Variants in ARHGEF4 observed in about 807,000 individuals in gnomAD.
ARHGEF4 encodes Rho guanine nucleotide exchange factor 4.
In ARHGEF4, 119 loss-of-function variants were observed where a neutral mutation model predicts 162.0. The ratio of observed to expected loss-of-function variants is 0.73; its 90% confidence interval spans 0.63 to 0.86. The LOEUF (loss-of-function observed/expected upper bound fraction) is 0.86, where lower values mean the gene tolerates loss of function less well. ARHGEF4 is among the 40% of genes least tolerant of loss of function. ARHGEF4 has a pLI of 0.00. For synonymous variants in ARHGEF4, 1,014 were observed against 979.9 expected (o/e 1.03, Z -0.65); for missense variants, 2,488 against 2,456.0 (o/e 1.01, Z -0.28).
At chr2:130,899,989 A>C (rs532223369) in intron 1 of ARHGEF4, among the ~76,000 whole-genome samples, 30 of 152,286 alleles carry the variant, frequency 2.0e-4, no homozygotes, top group African/African-American at 6.7e-4. Flanking sequence ...TCTTTGAACT[A>C]TGGAAAATAT....
At chr2:130,867,266 G>A (rs1178273606) in intron 1 of ARHGEF4, among the ~76,000 whole-genome samples, 1 of 151,122 alleles carries the variant, frequency 6.6e-6, no homozygotes, top group Non-Finnish European at 1.5e-5. Flanking sequence ...ATGAGACGGA[G>A]TCTCACTCTA....
intron 4 of ARHGEF4, among the ~76,000 whole-genome samples, chr2:130,971,333 C>T (rs771584183): frequency 6.6e-6 from 1 of 152,134 alleles, no homozygotes; most frequent in South Asian, 2.1e-4. Context: ...AATTCTTCTT[C>T]TTTTTTGCCT....
chr2:130,844,824 G>GTA lies in ARHGEF4; in HGVS notation c.39+7844_39+7845dup, dbSNP rs1049657755. On this transcript the variant is annotated intron_variant, in intron 1 of 13. Transcript: ENST00000409359. ...CTTCCCCAAACAAATATATATATAT[G>GTA]TATATATATATATTTGAGACAGAAT... Among the ~76,000 whole-genome samples, 643 of 150,786 alleles carry GTA rather than the reference G, an allele frequency of 4.3e-3. 3 individuals are homozygous for GTA. Among genetic ancestry groups the GTA allele is most frequent in the African/African-American group, 0.014 (581 of 41,052 alleles).
At chr2:130,855,769 C>G (rs1681733307) in intron 1 of ARHGEF4, among the ~76,000 whole-genome samples, 1 of 152,162 alleles carries the variant, frequency 6.6e-6, no homozygotes, top group Non-Finnish European at 1.5e-5. Flanking sequence ...TTTGAATAAT[C>G]TAAGCCGGCT....
chr2:131,022,650 C>A (rs1689207094), intron 4 of ARHGEF4, among the ~76,000 whole-genome samples: 2 of 36,888 alleles, frequency 5.4e-5, no homozygotes, highest in Admixed American at 4.5e-4. Flanking sequence ...AAGCTTCACA[C>A]ATTATACAAA....
intron 4 of ARHGEF4, among the ~76,000 whole-genome samples, chr2:130,973,021 C>G (rs187595876): frequency 6.6e-6 from 1 of 152,198 alleles, no homozygotes; most frequent in Admixed American, 6.5e-5. Flanking sequence ...TTGGAATATA[C>G]AAAGATTATA....
At chr2:130,942,426 G>A (rs1683367282) in intron 3 of ARHGEF4, among the ~76,000 whole-genome samples, 1 of 152,050 alleles carries the variant, frequency 6.6e-6, no homozygotes, top group South Asian at 2.1e-4. Flanking sequence ...TGGGATTACA[G>A]GCATGAGCCA....
chr2:130,967,974 T>C (rs775231514), intron 4 of ARHGEF4, among the ~76,000 whole-genome samples: 5 of 152,184 alleles, frequency 3.3e-5, no homozygotes, highest in Admixed American at 6.5e-5. Context: ...ACCAGATAAG[T>C]TCCCCAAGCC....
rs184054262 is a variant in ARHGEF4, at chr2:130,872,814, G to A, written c.39+35822G>A. 1.9e-3 allele frequency among the ~76,000 whole-genome samples: 293 copies of A among 152,264 alleles called. 1 individual carries two copies. The highest frequency in any genetic ancestry group is 6.7e-3 in the African/African-American group (280 of 41,560). On this transcript the variant is annotated intron_variant, in intron 1 of 13. Coordinates refer to ENST00000409359, the MANE Select transcript of ARHGEF4 (RefSeq NM_001367493.1). ...TCAGCTGGGAGCAGCAGCACCTCAC[G>A]GGGCCTTGGTGCACTTTGGGGGCTG...
intron 1 of ARHGEF4, among the ~76,000 whole-genome samples, chr2:130,903,475 G>T (rs1353698504): frequency 6.6e-6 from 1 of 152,080 alleles, no homozygotes; most frequent in South Asian, 2.1e-4. Flanking sequence ...GGCCATGATG[G>T]TCTCGATCTC....
chr2:130,926,810 A>AGTTTTTTTT (rs1682318699), intron 2 of ARHGEF4, among the ~76,000 whole-genome samples: 1 of 48,948 alleles, frequency 2.0e-5, no homozygotes, highest in South Asian at 1.5e-3. Flanking sequence ...CTTCTGGCTG[A>AGTTTTTTTT]TTTTTTTTTT....
At chr2:130,943,697 C>T (rs913478431) in intron 3 of ARHGEF4, among the ~76,000 whole-genome samples, 7 of 152,250 alleles carry the variant, frequency 4.6e-5, no homozygotes, top group Admixed American at 3.9e-4. Flanking sequence ...GGAATGTAGA[C>T]ATCTTCCATC....
intron 1 of ARHGEF4, among the ~76,000 whole-genome samples, chr2:130,912,995 A>T (rs973701522): frequency 6.6e-6 from 1 of 152,028 alleles, no homozygotes; most frequent in African/African-American, 2.4e-5. Context: ...ACTGTGCCTA[A>T]TTTGTAGCTT....
rs142390044 is a variant in ARHGEF4, at chr2:130,932,929, C to T, written c.3858+1672C>T. 1.9e-3 allele frequency among the ~76,000 whole-genome samples: 286 copies of T among 152,262 alleles called. 3 individuals are homozygous for T. The highest frequency in any genetic ancestry group is 6.6e-3 in the African/African-American group (273 of 41,544). On this transcript the variant is annotated intron_variant, in intron 3 of 13. Coordinates refer to ENST00000409359, the MANE Select transcript of ARHGEF4 (RefSeq NM_001367493.1). ...TCTTGGCATCCTTGTCAAAAACCAA[C>T]TTACCCGCCAGGCGCAATGGCTCAC... is the stretch of plus-strand genomic sequence containing the variant.
At position 130,975,401 on chromosome 2, in the gene ARHGEF4, C is replaced by G. The variant is rs181722551; in HGVS notation, c.3985+28766C>G. On this transcript the variant is annotated intron_variant, in intron 4 of 13. Coordinates refer to ENST00000409359, the MANE Select transcript of ARHGEF4 (RefSeq NM_001367493.1). ...ACCACCAGGCCACAGCCCTTACTCT[C>G]AAAACCTCCTCTGCTGGGCTCTAAC... 1.6e-3 allele frequency among the ~76,000 whole-genome samples: 238 copies of G among 152,258 alleles called. 3 individuals carry two copies. The highest frequency in any genetic ancestry group is 5.6e-3 in the African/African-American group (232 of 41,558).
chr2:130,948,401 A>G (rs778221658), intron 4 of ARHGEF4, among the ~76,000 whole-genome samples: 6 of 152,218 alleles, frequency 3.9e-5, no homozygotes, highest in Non-Finnish European at 8.8e-5. Flanking sequence ...AACTTTCCCA[A>G]TTTCTTGCAT....
intron 5 of ARHGEF4, among the ~76,000 whole-genome samples, 171 bp from the exon 6 acceptor site, chr2:131,038,682 A>G (rs1053630423): frequency 3.9e-5 from 6 of 152,212 alleles, no homozygotes; most frequent in Non-Finnish European, 8.8e-5. Context: ...TGCCCAGAAC[A>G]TAGCCCCTGC....
chr2:130,954,053 G>A (rs889473803), intron 4 of ARHGEF4, among the ~76,000 whole-genome samples: 15 of 152,202 alleles, frequency 9.9e-5, no homozygotes, highest in Non-Finnish European at 2.1e-4. Flanking sequence ...CCATTACTGG[G>A]TATGTACCCA....
At chr2:131,016,773 C>G (rs72998318) in intron 4 of ARHGEF4, among the ~76,000 whole-genome samples, 6,501 of 152,312 alleles carry the variant, frequency 0.043, 203 homozygotes, top group South Asian at 0.14. Flanking sequence ...ACCAAGTTCC[C>G]TAAGTGCTGC....
Sources: allele counts gnomAD v4.1 joint callset (sites outside exome capture counted in the v4.1 genomes callset), GRCh38; gene constraint gnomAD v4.1.1; transcripts MANE v1.5; gene names NCBI Gene and HGNC (gene_info 2026-07-23, HGNC 2026-07-21).